MRM2: variants seen among roughly 807,000 people sequenced by gnomAD.
MRM2 encodes the protein rRNA methyltransferase 2, mitochondrial.
In MRM2, 15 loss-of-function variants were observed where a neutral mutation model predicts 10.9. That is an observed-to-expected ratio of 1.37 (90% CI 0.92 to 2.11). The LOEUF is 2.11. Ranked by LOEUF, MRM2 falls within the 30% of genes most tolerant of loss-of-function variation. The pLI is 0.00. For synonymous variants in MRM2, 139 were observed against 128.7 expected (o/e 1.08, Z -0.54); for missense variants, 328 against 321.3 (o/e 1.02, Z -0.16).
In MRM2 at chr7:2,242,162, C is replaced by G. The variant is rs1434477307; in HGVS notation, c.8G>C (p.Gly3Ala). ...CGCGCAGCAGCAGCGCCCAGCTCAC[C>G]CCGCCATTGGTGTTCCCCGCGCCTG... MAGYLKLVCVSFQ... is the reference protein window; with the variant it reads MAAYLKLVCVSFQ... Residue 3 changes from glycine to alanine, a missense_variant and splice_region_variant, in exon 1 of 3, where the codon GGG (glycine) becomes GCG (alanine). Coordinates refer to ENST00000242257, the MANE Select transcript of MRM2 (RefSeq NM_013393.3). 2.5e-6 allele frequency: 4 copies of G among 1,589,440 alleles called. No homozygotes were observed. Among genetic ancestry groups the G allele is most frequent in the Middle Eastern group, 3.4e-4 (2 of 5,850 alleles).
chr7:2,239,326 C>G, intron 2 of MRM2, 92 bp downstream of exon 2: 1 of 1,301,354 alleles, frequency 7.7e-7, no homozygotes. Flanking sequence ...AAAAGGGCTC[C>G]ACCATCCCGC....
chr7:2,240,748 G>A (rs548280520), intron 1 of MRM2, among the ~76,000 whole-genome samples: 10 of 152,266 alleles, frequency 6.6e-5, no homozygotes, highest in African/African-American at 2.4e-4. Context: ...TGGCGCCCAG[G>A]CTGGAGTGCA....
chr7:2,240,307 T>G, intron 1 of MRM2: 1 of 456,174 alleles, frequency 2.2e-6, no homozygotes, highest in Non-Finnish European at 4.4e-6. Flanking sequence ...TCTGACAGGC[T>G]GCAAGAAAAC....
Position 2,234,943 on chromosome 7 carries a change from A to T in MRM2, c.*179T>A. The T allele has an allele frequency of 1.7e-6, 1 of 596,448 alleles. No individual in the cohort carries two copies. Among genetic ancestry groups the T allele is most frequent in the Non-Finnish European group, 3.0e-6 (1 of 337,984 alleles). The allele number at this position is 596,448 out of a possible 1,614,324, so 36.9% of individuals were successfully genotyped here. A position where few individuals can be genotyped will look rare whatever the true frequency, so the allele number is the denominator to read the frequency against. ...TTCATTTTCCATGGCCCCTGAACTT[A>T]GTTTTGTCATCTCTTTTTGGTTAAA... On this transcript the variant is annotated 3_prime_UTR_variant, in exon 3 of 3. Transcript: ENST00000242257.
At chr7:2,242,017 G>C (rs1406431104) in intron 1 of MRM2, 145 bp downstream of exon 1, 2 of 841,228 alleles carry the variant, frequency 2.4e-6, no homozygotes, top group East Asian at 6.7e-5. Flanking sequence ...CCGGAATCCT[G>C]GCCTCGCCCC....
At chr7:2,237,401 G>T (rs1402288832) in intron 2 of MRM2, among the ~76,000 whole-genome samples, 1 of 152,186 alleles carries the variant, frequency 6.6e-6, no homozygotes, top group African/African-American at 2.4e-5. Flanking sequence ...CTGCATGCTT[G>T]TGACTTCCGG....
In MRM2 at chr7:2,235,177, T is replaced by C; in HGVS notation, c.686A>G (p.Glu229Gly). Reference protein sequence around the residue: ...KPEASRKESSEVYFLATQYHG... With the variant: ...KPEASRKESSGVYFLATQYHG... ...GTACTGTGTGGCCAAGAAGTACACT[T>C]CTGATGACTCTTTCCTGCTGGCTTC... The change falls in exon 3 of 3, where the codon GAA becomes GGA. Residue 229 changes from glutamate to glycine, a missense_variant. By Grantham distance (98) the Glu-to-Gly change is moderately conservative. Coordinates refer to ENST00000242257, the MANE Select transcript of MRM2 (RefSeq NM_013393.3). 1 of 1,614,144 alleles carries C rather than the reference T, an allele frequency of 6.2e-7. No individual in the cohort carries two copies. Among genetic ancestry groups the C allele is most frequent in the Non-Finnish European group, 8.5e-7 (1 of 1,180,004 alleles).
rs146750675 is a variant in MRM2 at position 2,236,407 on chromosome 7, G to C, written c.299-843C>G. 1.2e-4 allele frequency among the ~76,000 whole-genome samples: 19 copies of C among 152,100 alleles called. No homozygotes were observed. In the East Asian group the frequency reaches 3.7e-3, roughly 29 times the overall value. ...AAAATAACGTACAAAAACTGATATC[G>C]GCTAGGTGTGGTGGCTTACACCTAA... On this transcript the variant is annotated intron_variant, in intron 2 of 2. Transcript: ENST00000242257.
In MRM2 at chr7:2,235,123, C is replaced by T; in HGVS notation, c.740G>A (p.Ter247=). The change falls in exon 3 of 3, where the codon TGA becomes TAA. Residue 247 remains the stop codon, a stop_retained_variant. Coordinates refer to ENST00000242257, the MANE Select transcript of MRM2 (RefSeq NM_013393.3). ...TTATGAAAATGGCACAAGAAATCCT[C>T]ACTGCTTCACAGTGCCCTTCCTTCC... is the stretch of plus-strand genomic sequence containing the variant. ...YHGRKGTVKQ[*] is the part of the protein sequence containing the mutation. 6.2e-7 allele frequency: 1 copy of T among 1,608,362 alleles called. No individual in the cohort carries two copies.
In MRM2 at chr7:2,237,268, G is replaced by A. The variant is rs537615296; in HGVS notation, c.299-1704C>T. Reference sequence around the variant, plus strand: ...TCCCCTTGGCCTCCCAAAGTACTGGGATTACAGGTGTGAGCCACTGCGCCC... The same window carrying A: ...TCCCCTTGGCCTCCCAAAGTACTGGAATTACAGGTGTGAGCCACTGCGCCC... On this transcript the variant is annotated intron_variant, in intron 2 of 2. Coordinates refer to ENST00000242257, the MANE Select transcript of MRM2 (RefSeq NM_013393.3). 3.3e-5 allele frequency among the ~76,000 whole-genome samples: 5 copies of A among 152,300 alleles called. No individual in the cohort carries two copies. The South Asian group carries it at 8.3e-4, about 25-fold the overall frequency.
chr7:2,240,811 C>A (rs890254683), intron 1 of MRM2, among the ~76,000 whole-genome samples: 1 of 151,990 alleles, frequency 6.6e-6, no homozygotes, highest in Non-Finnish European at 1.5e-5. Flanking sequence ...TCTCCTGCCC[C>A]AGCCTCCCAA....
chr7:2,238,548 C>T (rs34418140), intron 2 of MRM2: 41,197 of 152,214 alleles, frequency 0.27, 6,980 homozygotes, highest in East Asian at 0.51. Flanking sequence ...TTCTAGGTTC[C>T]GGACGGAGCA....
chr7:2,237,475 C>A (rs1283872521), intron 2 of MRM2, among the ~76,000 whole-genome samples: 1 of 152,172 alleles, frequency 6.6e-6, no homozygotes, highest in African/African-American at 2.4e-5. Context: ...CTACAAGGCA[C>A]GCTGGGCCAC....
At chr7:2,235,622 T>C in intron 2 of MRM2, 58 bp from the exon 3 acceptor site, 1 of 1,184,932 alleles carries the variant, frequency 8.4e-7, no homozygotes, top group Non-Finnish European at 1.2e-6. Flanking sequence ...TTTACAAAAA[T>C]ACAGTACATG....
At position 2,234,969 on chromosome 7, in the gene MRM2, A is replaced by G. The variant is rs1242631881; in HGVS notation, c.*153T>C. ...GTTTTGTCATCTCTTTTTGGTTAAA[A>G]AGAGAGAGAGAGAAAGAGAGAGAGA... On this transcript the variant is annotated 3_prime_UTR_variant, in exon 3 of 3. Coordinates refer to ENST00000242257, the MANE Select transcript of MRM2 (RefSeq NM_013393.3). 3.2e-6 allele frequency: 2 copies of G among 627,282 alleles called. No individual in the cohort carries two copies. Among genetic ancestry groups the G allele is most frequent in the Middle Eastern group, 4.3e-4 (1 of 2,312 alleles). 38.9% of individuals were successfully genotyped at this position (627,282 alleles called of 1,614,324 possible). A position where few individuals can be genotyped will look rare whatever the true frequency, so the allele number is the denominator to read the frequency against.
At chr7:2,238,513 T>C (rs552616649) in intron 2 of MRM2, 6 of 152,248 alleles carry the variant, frequency 3.9e-5, no homozygotes, top group African/African-American at 1.4e-4. Context: ...GAGCAAAGAA[T>C]CCATAGCCCT....
rs1794376114 is a variant in MRM2 at position 2,234,416 on chromosome 7, AC to A, written c.*705del. 1 of 152,240 alleles carries A rather than the reference AC, an allele frequency of 6.6e-6. No homozygotes were observed. The highest frequency in any genetic ancestry group is 2.1e-4 in the South Asian group (1 of 4,836). The allele number at this position is 152,240 out of a possible 1,614,324, so 9.4% of individuals were successfully genotyped here. ...TACGTCTTCCCTAATTGTTCCGGGA[AC>A]TTTTGCTGCTTGAAGAATGCGTGAA... On this transcript the variant is annotated 3_prime_UTR_variant, in exon 3 of 3. Coordinates refer to ENST00000242257, the MANE Select transcript of MRM2 (RefSeq NM_013393.3).
At chr7:2,242,126 C>G (rs1280146722) in intron 1 of MRM2, 36 bp downstream of exon 1, 1 of 1,582,980 alleles carries the variant, frequency 6.3e-7, no homozygotes, top group African/African-American at 1.4e-5. Context: ...CAACCACTCC[C>G]GCTGTCTGCA....
At chr7:2,239,770 G>A (rs1040151097) in intron 1 of MRM2, 63 bp from the exon 2 acceptor site, 14 of 1,463,210 alleles carry the variant, frequency 9.6e-6, no homozygotes, top group Non-Finnish European at 1.0e-5. Flanking sequence ...CATGAGCTGG[G>A]AGGGCCCTCG....
Sources: allele counts gnomAD v4.1 joint callset (sites outside exome capture counted in the v4.1 genomes callset), GRCh38; gene constraint gnomAD v4.1.1; transcripts MANE v1.5; gene names NCBI Gene and HGNC (gene_info 2026-07-23, HGNC 2026-07-21).